The following PLXNA1 variants were observed in gnomAD, a reference collection of about 807,000 sequenced individuals.
PLXNA1 encodes the protein plexin-A1.
Under a neutral mutation model 191.7 loss-of-function variants are expected in PLXNA1, and 77 were observed. The observed-to-expected ratio is 0.40, with a 90% CI of 0.33 to 0.49. The LOEUF (loss-of-function observed/expected upper bound fraction) is 0.49, where lower values mean the gene tolerates loss of function less well. Among genes scored for constraint, PLXNA1 ranks in the 20% least tolerant of loss-of-function variants. The pLI is 0.63. For missense variants in PLXNA1, 2,110 were observed against 2,660.2 expected (o/e 0.79, Z 4.55); for synonymous variants, 1,137 against 1,156.4 (o/e 0.98, Z 0.34).
At chr3:127,006,241 G>T (rs2079068624) in intron 8 of PLXNA1, 63 bp downstream of exon 8, 3 of 1,277,770 alleles carry the variant, frequency 2.3e-6, no homozygotes, top group African/African-American at 1.5e-5. Context: ...TCCCGTCCCT[G>T]TGGTCCCACT....
At chr3:127,019,692 C>T (rs2107634289) in intron 20 of PLXNA1, among the ~76,000 whole-genome samples, 1 of 152,360 alleles carries the variant, frequency 6.6e-6, no homozygotes, top group South Asian at 2.1e-4. Flanking sequence ...CACCTCACAG[C>T]TCTGGAATGT....
At chr3:127,018,574 C>T (rs765418654) in intron 20 of PLXNA1, 46 bp downstream of exon 20, 1 of 1,489,594 alleles carries the variant, frequency 6.7e-7, no homozygotes, top group Admixed American at 1.7e-5. Context: ...ACCTCCGAGC[C>T]AGGCCCTGGC....
At position 126,998,947 on chromosome 3, in the gene PLXNA1, C is replaced by T. The variant is rs139777950; in HGVS notation, c.1378-4383C>T. On this transcript the variant is annotated intron_variant, in intron 3 of 31. Coordinates refer to ENST00000393409, the MANE Select transcript of PLXNA1 (RefSeq NM_032242.4). ...TCCTGTTTTAATTACCCAATTACTG[C>T]CAAGAGGAAATTGCTAATTGCTTTT... Among the ~76,000 whole-genome samples the T allele has an allele frequency of 2.4e-3, 373 of 152,340 alleles. 1 individual carries two copies. Among genetic ancestry groups the T allele is most frequent in the African/African-American group, 8.5e-3 (355 of 41,570 alleles).
chr3:126,989,383 G>A lies in PLXNA1; in HGVS notation c.790G>A (p.Asp264Asn). 1.9e-6 allele frequency: 3 copies of A among 1,613,588 alleles called. No homozygotes were observed. The highest frequency in any genetic ancestry group is 2.5e-6 in the Non-Finnish European group (3 of 1,180,054). ...TGTCTACTACCTCACGCTGCAGCTA[G>A]ACACACAGCTGACCTCGCCTGATGC... is the stretch of plus-strand genomic sequence containing the variant. Reference protein sequence around the residue: ...QFVYYLTLQLDTQLTSPDAAG... With the variant: ...QFVYYLTLQLNTQLTSPDAAG... Residue 264 changes from aspartate to asparagine, a missense_variant, in exon 2 of 32, where the codon GAC becomes AAC. Asp to Asn is a conservative substitution (Grantham distance 23, BLOSUM62 1). Transcript: ENST00000393409.
chr3:127,007,473 G>A (rs2079074598), intron 8 of PLXNA1, among the ~76,000 whole-genome samples: 2 of 152,232 alleles, frequency 1.3e-5, no homozygotes, highest in African/African-American at 2.4e-5. Flanking sequence ...TCTGATGCGA[G>A]TACCCATGCC....
rs766513199 is a variant in PLXNA1 at position 126,989,118 on chromosome 3, C to T, written c.525C>T (p.Ala175=). ...EAGSMAGVLI[A]GPPGQGQAKL... is the part of the protein sequence containing the mutation. ...GCAGCATGGCGGGCGTGCTCATTGC[C>T]GGGCCACCGGGCCAGGGCCAGGCCA... Residue 175 remains alanine, a synonymous_variant, in exon 2 of 32, where the codon GCC becomes GCT. Coordinates refer to ENST00000393409, the MANE Select transcript of PLXNA1 (RefSeq NM_032242.4). The T allele has an allele frequency of 2.7e-5, 43 of 1,613,050 alleles. 1 individual carries two copies. In the South Asian group the frequency reaches 3.0e-4, roughly 11 times the overall value.
At chr3:126,990,561 G>A (rs1251341753) in intron 2 of PLXNA1, among the ~76,000 whole-genome samples, 1 of 152,234 alleles carries the variant, frequency 6.6e-6, no homozygotes, top group Non-Finnish European at 1.5e-5. Flanking sequence ...GGACCCCCGA[G>A]GCCAGGCCTT....
intron 23 of PLXNA1, among the ~76,000 whole-genome samples, chr3:127,023,760 G>A (rs562755374): frequency 7.2e-5 from 11 of 152,322 alleles, no homozygotes; most frequent in African/African-American, 2.6e-4. Context: ...TGCCGGGAGA[G>A]ACACTGGACG....
At chr3:127,017,284 G>T (rs1239131100) in intron 17 of PLXNA1, 141 bp from the exon 18 acceptor site, 2 of 1,264,714 alleles carry the variant, frequency 1.6e-6, no homozygotes, top group Non-Finnish European at 2.2e-6. Context: ...CACGTCGGGT[G>T]GGTGGCCCAG....
Position 126,988,695 on chromosome 3 carries a change from C to T in PLXNA1, c.102C>T (p.Gly34=), listed in dbSNP as rs545729681. The T allele has an allele frequency of 8.3e-6, 13 of 1,574,316 alleles. No individual in the cohort carries two copies. Among genetic ancestry groups the T allele is most frequent in the South Asian group, 3.6e-5 (3 of 83,562 alleles). ...MWAEAGLPRA[G]GGSQPPFRTF... ...CTGAGGCAGGCTTGCCCAGGGCAGG[C>T]GGGGGTTCACAGCCCCCCTTCCGCA... Residue 34 remains glycine, a synonymous_variant, in exon 2 of 32, where the codon GGC becomes GGT. Coordinates refer to ENST00000393409, the MANE Select transcript of PLXNA1 (RefSeq NM_032242.4).
chr3:126,984,570 G>A (rs1011563177), intron 1 of PLXNA1, among the ~76,000 whole-genome samples: 7 of 152,354 alleles, frequency 4.6e-5, no homozygotes, highest in Middle Eastern at 3.4e-3. Context: ...CCCCCTGCCA[G>A]AGGCAGGCAT....
Position 126,989,381 on chromosome 3 carries a change from T to C in PLXNA1, c.788T>C (p.Leu263Pro), listed in dbSNP as rs776013878. The change falls in exon 2 of 32, where the codon CTA becomes CCA. Residue 263 changes from leucine (L) to proline (P), a missense_variant. By Grantham distance (98) the Leu-to-Pro change is moderately conservative. This residue lies in a region of PLXNA1 where 903 missense variants were observed against 1,015.7 expected (regional missense o/e 0.89). Transcript: ENST00000393409. ...EQFVYYLTLQ[L>P]DTQLTSPDAA... ...TTTGTCTACTACCTCACGCTGCAGCTAGACACACAGCTGACCTCGCCTGAT... is the reference window on the plus strand; with the variant it reads ...TTTGTCTACTACCTCACGCTGCAGCCAGACACACAGCTGACCTCGCCTGAT... 6.2e-7 allele frequency: 1 copy of C among 1,613,596 alleles called. No individual in the cohort carries two copies. The highest frequency in any genetic ancestry group is 1.1e-5 in the South Asian group (1 of 91,090).
In PLXNA1 at chr3:126,989,144, A is replaced by G; in HGVS notation, c.551A>G (p.Lys184Arg). 6.2e-7 allele frequency: 1 copy of G among 1,613,378 alleles called. No individual in the cohort carries two copies. The highest frequency in any genetic ancestry group is 1.1e-5 in the South Asian group (1 of 91,088). The change falls in exon 2 of 32, where the codon AAG (lysine) becomes AGG (arginine). Residue 184 changes from lysine (K) to arginine (R), a missense_variant. Physicochemically the swap from Lys to Arg is conservative, Grantham distance 26. Coordinates refer to ENST00000393409, the MANE Select transcript of PLXNA1 (RefSeq NM_032242.4). Reference sequence around the variant, plus strand: ...GGGCCACCGGGCCAGGGCCAGGCCAAGCTCTTCGTGGGCACACCCATCGAT... The same window carrying G: ...GGGCCACCGGGCCAGGGCCAGGCCAGGCTCTTCGTGGGCACACCCATCGAT... The part of the protein sequence containing the change: ...IAGPPGQGQA[K>R]LFVGTPIDGK...
At chr3:127,018,935 G>C (rs897180568) in intron 20 of PLXNA1, among the ~76,000 whole-genome samples, 1 of 152,172 alleles carries the variant, frequency 6.6e-6, no homozygotes, top group Non-Finnish European at 1.5e-5. Flanking sequence ...AGCAGAGAGG[G>C]GTGCTTCCAC....
intron 3 of PLXNA1, among the ~76,000 whole-genome samples, chr3:126,993,700 G>A (rs963582062): frequency 1.3e-5 from 2 of 152,250 alleles, no homozygotes; most frequent in Non-Finnish European, 2.9e-5. Context: ...CTGTGCCCAG[G>A]GGTTGCTGGC....
At chr3:127,002,619 G>A (rs1372355252) in intron 3 of PLXNA1, among the ~76,000 whole-genome samples, 4 of 152,222 alleles carry the variant, frequency 2.6e-5, no homozygotes, top group African/African-American at 9.6e-5. Context: ...AGCCTACCCT[G>A]GACTCAGAGC....
intron 1 of PLXNA1, among the ~76,000 whole-genome samples, chr3:126,983,830 G>A (rs1003166001): frequency 6.6e-6 from 1 of 152,080 alleles, no homozygotes; most frequent in Non-Finnish European, 1.5e-5. Flanking sequence ...GAGCCTCCCA[G>A]CAGGGCCGCG....
rs757586922 is a variant in PLXNA1, at chr3:127,014,825, C to T, written c.2871C>T (p.Thr957=). Reference sequence around the variant, plus strand: ...GCGCCCTGTCACCCAAGCGCTTCACCTTCGTGGTGAGTCTGCTGCCCTCCC... The same window carrying T: ...GCGCCCTGTCACCCAAGCGCTTCACTTTCGTGGTGAGTCTGCTGCCCTCCC... The part of the protein sequence containing the change: ...HYRALSPKRF[T]FVTPTFYRVS... Residue 957 remains threonine (T), a synonymous_variant, in exon 14 of 32, where the codon ACC becomes ACT. Transcript: ENST00000393409. 1.9e-5 allele frequency: 30 copies of T among 1,611,742 alleles called. No homozygotes were observed. In the East Asian group the frequency reaches 6.2e-4, roughly 34 times the overall value.
intron 3 of PLXNA1, among the ~76,000 whole-genome samples, chr3:126,995,860 A>T (rs1041234177): frequency 2.6e-5 from 4 of 152,184 alleles, no homozygotes; most frequent in African/African-American, 7.2e-5. Flanking sequence ...GCATCTGGGC[A>T]TACCCCAGGG....
Sources: gnomAD v4.1 joint callset for allele counts (sites outside exome capture counted in the v4.1 genomes callset) on GRCh38, gnomAD v4.1.1 for gene constraint, gnomAD v4.1.1 regional missense constraint, MANE v1.5 for transcripts, NCBI Gene and HGNC (gene_info 2026-07-23, HGNC 2026-07-21) for gene names.